PLCB1: variants seen among roughly 807,000 people sequenced by gnomAD.
The protein encoded by PLCB1 is phospholipase C beta 1.
Under a neutral mutation model 161.8 loss-of-function variants are expected in PLCB1, and 46 were observed. That is an observed-to-expected ratio of 0.28 (90% CI 0.22 to 0.36). The LOEUF (loss-of-function observed/expected upper bound fraction) is 0.36, where lower values mean the gene tolerates loss of function less well. Among genes scored for constraint, PLCB1 ranks in the 10% least tolerant of loss-of-function variants. PLCB1 has a pLI of 1.00. For missense variants in PLCB1, 1,016 were observed against 1,472.5 expected, an observed-to-expected ratio of 0.69 and a Z score of 5.07; for synonymous variants, 517 against 503.7, an observed-to-expected ratio of 1.03 and a Z score of -0.35.
At chr20:8,554,194 G>C (rs1985871833) in intron 3 of PLCB1, among the ~76,000 whole-genome samples, 1 of 151,988 alleles carries the variant, frequency 6.6e-6, no homozygotes, top group Admixed American at 6.6e-5. Flanking sequence ...CTCTCTGGCA[G>C]TTTCTAATAA....
At chr20:8,451,036 C>G (rs1014077665) in intron 3 of PLCB1, among the ~76,000 whole-genome samples, 1 of 152,164 alleles carries the variant, frequency 6.6e-6, no homozygotes, top group African/African-American at 2.4e-5. Flanking sequence ...TGTCCATGTT[C>G]AAGAACTATA....
intron 20 of PLCB1, among the ~76,000 whole-genome samples, chr20:8,738,017 A>G (rs1341849160): frequency 6.6e-6 from 1 of 152,250 alleles, no homozygotes; most frequent in African/African-American, 2.4e-5. Context: ...TGTAAACAAT[A>G]CATTTTTAAA....
chr20:8,805,880 T>A (rs892314450), intron 31 of PLCB1, among the ~76,000 whole-genome samples: 1 of 152,138 alleles, frequency 6.6e-6, no homozygotes, highest in Non-Finnish European at 1.5e-5. Flanking sequence ...AATATACTTA[T>A]CTGTAAAATG....
intron 2 of PLCB1, among the ~76,000 whole-genome samples, chr20:8,233,873 C>T (rs1384220851): frequency 1.3e-5 from 2 of 152,138 alleles, no homozygotes; most frequent in East Asian, 1.9e-4. Flanking sequence ...TTTCACTCAA[C>T]GTGGTGTTTG....
At chr20:8,503,569 C>T (rs1983515552) in intron 3 of PLCB1, among the ~76,000 whole-genome samples, 1 of 152,078 alleles carries the variant, frequency 6.6e-6, no homozygotes, top group Non-Finnish European at 1.5e-5. Context: ...TCCTATTAAA[C>T]CCTATACAGT....
At chr20:8,684,475 A>C (rs896063009) in intron 9 of PLCB1, among the ~76,000 whole-genome samples, 6 of 151,138 alleles carry the variant, frequency 4.0e-5, no homozygotes, top group Non-Finnish European at 8.8e-5. Context: ...GCTGGTCTCG[A>C]GCTCCTGACC....
chr20:8,185,681 G>A lies in PLCB1; in HGVS notation c.177+35310G>A, dbSNP rs188788812. On this transcript the variant is annotated intron_variant, in intron 2 of 31. Transcript: ENST00000338037. ...AGGAGAGGAAGGGCACTGGGAGACT[G>A]GTAACTCTGTCTCTTTAATTTGTTT... Among the ~76,000 whole-genome samples the A allele has an allele frequency of 1.3e-3, 196 of 151,922 alleles. 2 individuals carry two copies. Among genetic ancestry groups the A allele is most frequent in the Non-Finnish European group, 3.8e-4 (26 of 67,928 alleles).
intron 3 of PLCB1, among the ~76,000 whole-genome samples, chr20:8,595,261 C>G (rs1276097616): frequency 7.5e-6 from 1 of 133,760 alleles, no homozygotes; most frequent in Non-Finnish European, 1.6e-5. Context: ...TCCCCCCACC[C>G]CACAACAGTC....
chr20:8,697,629 G>A lies in PLCB1; in HGVS notation c.1013G>A (p.Gly338Asp), dbSNP rs2123427907. 6.2e-7 allele frequency: 1 copy of A among 1,613,848 alleles called. No homozygotes were observed. Among genetic ancestry groups the A allele is most frequent in the East Asian group, 2.2e-5 (1 of 44,862 alleles). Residue 338 changes from glycine (G) to aspartate (D), a missense_variant, in exon 11 of 32, where the codon GGC becomes GAC. Physicochemically the swap from Gly to Asp is moderately conservative, Grantham distance 94. Coordinates refer to ENST00000338037, the MANE Select transcript of PLCB1 (RefSeq NM_015192.4). ...NSSHNTYLTA[G>D]QLAGNSSVEM... ...TTGTTTTGTTGGTGTTTTATAGCTGGCCAACTGGCTGGAAACTCCTCTGTT... is the reference window on the plus strand; with the variant it reads ...TTGTTTTGTTGGTGTTTTATAGCTGACCAACTGGCTGGAAACTCCTCTGTT...
At chr20:8,334,955 T>A (rs375743527) in intron 2 of PLCB1, among the ~76,000 whole-genome samples, 21 of 152,344 alleles carry the variant, frequency 1.4e-4, no homozygotes, top group African/African-American at 5.1e-4. Context: ...AGACTCTTCA[T>A]AAAATTTCCT....
chr20:8,692,560 G>T (rs1433443550), intron 10 of PLCB1, among the ~76,000 whole-genome samples: 1 of 152,134 alleles, frequency 6.6e-6, no homozygotes, highest in African/African-American at 2.4e-5. Flanking sequence ...GAAAGTAATA[G>T]GATGCTATTA....
chr20:8,388,751 C>CTG (rs1001257119), intron 3 of PLCB1, among the ~76,000 whole-genome samples: 1 of 151,994 alleles, frequency 6.6e-6, no homozygotes, highest in Non-Finnish European at 1.5e-5. Flanking sequence ...ATTGAATGAT[C>CTG]TGTGTGTGTG....
At chr20:8,513,454 T>G (rs1370220041) in intron 3 of PLCB1, among the ~76,000 whole-genome samples, 1 of 152,188 alleles carries the variant, frequency 6.6e-6, no homozygotes, top group African/African-American at 2.4e-5. Context: ...ACAAATTACA[T>G]TATTTTTACA....
chr20:8,180,197 T>A lies in PLCB1; in HGVS notation c.177+29826T>A, dbSNP rs564056278. On this transcript the variant is annotated intron_variant, in intron 2 of 31. Transcript: ENST00000338037. ...AACGTGAAGTGATGCTGATATTTTT[T>A]AAAAGCCTGTAATCGTGTGGTTTTT... Among the ~76,000 whole-genome samples the A allele has an allele frequency of 7.9e-5, 12 of 152,342 alleles. No homozygotes were observed. The South Asian group carries it at 2.5e-3, about 32-fold the overall frequency.
chr20:8,813,138 G>A lies in PLCB1; in HGVS notation c.3423+22877G>A, dbSNP rs982795757. Among the ~76,000 whole-genome samples the A allele has an allele frequency of 3.3e-5, 5 of 152,246 alleles. No individual in the cohort carries two copies. The South Asian group carries it at 8.3e-4, about 25-fold the overall frequency. On this transcript the variant is annotated intron_variant, in intron 31 of 31. Transcript: ENST00000338037. The stretch of plus-strand genomic sequence containing the variant: ...TGTGACAGATAGATGTTTGTAATGA[G>A]GTGAATAACAAACAGTCTCATGAAC...
chr20:8,411,466 T>A (rs947704467), intron 3 of PLCB1, among the ~76,000 whole-genome samples: 4 of 152,136 alleles, frequency 2.6e-5, no homozygotes, highest in Non-Finnish European at 4.4e-5. Context: ...CATTTAGAGG[T>A]CTGTCTATAA....
intron 26 of PLCB1, among the ~76,000 whole-genome samples, chr20:8,765,986 G>A (rs557038276): frequency 4.2e-4 from 64 of 152,038 alleles, no homozygotes; most frequent in Non-Finnish European, 7.2e-4. Context: ...CCCACAACTG[G>A]TCTTATAGAA....
At chr20:8,682,388 G>C (rs1362302146) in intron 9 of PLCB1, among the ~76,000 whole-genome samples, 1 of 152,178 alleles carries the variant, frequency 6.6e-6, no homozygotes, top group Non-Finnish European at 1.5e-5. Flanking sequence ...TATGGTCCCA[G>C]CTACTCGGGA....
intron 2 of PLCB1, among the ~76,000 whole-genome samples, chr20:8,231,212 C>T (rs79048130): frequency 0.017 from 2,638 of 152,248 alleles, 57 homozygotes; most frequent in South Asian, 0.064. Context: ...TTTATTCTCT[C>T]CATTTAGATC....
Sources: gnomAD v4.1 joint callset for allele counts (sites outside exome capture counted in the v4.1 genomes callset) on GRCh38, gnomAD v4.1.1 for gene constraint, MANE v1.5 for transcripts, NCBI Gene and HGNC (gene_info 2026-07-23, HGNC 2026-07-21) for gene names.